Variants in TTC28 observed in about 807,000 individuals in gnomAD.
The protein encoded by TTC28 is tetratricopeptide repeat domain 28.
In TTC28, 61 loss-of-function variants were observed where a neutral mutation model predicts 198.0. The ratio of observed to expected loss-of-function variants is 0.31; its 90% CI spans 0.25 to 0.38. The LOEUF (loss-of-function observed/expected upper bound fraction) is 0.38, where lower values mean the gene tolerates loss of function less well. Among genes scored for constraint, TTC28 ranks in the 10% least tolerant of loss-of-function variants. The probability of loss-of-function intolerance (pLI) is 1.00; values close to 1 mark genes in which losing one functional copy is unlikely to be tolerated. For missense variants in TTC28, 2,678 were observed against 3,164.0 expected, an observed-to-expected ratio of 0.85 and a Z score of 3.69; for synonymous variants, 1,171 against 1,297.8, an observed-to-expected ratio of 0.90 and a Z score of 2.10.
At chr22:28,025,752 C>T (rs1938805992) in intron 13 of TTC28, among the ~76,000 whole-genome samples, 1 of 152,150 alleles carries the variant, frequency 6.6e-6, no homozygotes, top group Non-Finnish European at 1.5e-5. Context: ...CACCTGTGGT[C>T]CCTGTTACTC....
intron 2 of TTC28, among the ~76,000 whole-genome samples, chr22:28,394,610 C>A (rs535312868): frequency 7.2e-5 from 11 of 152,120 alleles, no homozygotes; most frequent in Non-Finnish European, 1.6e-4. Context: ...CTGTCAAACC[C>A]CAATAAGCAA....
chr22:28,620,349 CAA>C (rs34680067), intron 2 of TTC28, among the ~76,000 whole-genome samples: 3 of 142,546 alleles, frequency 2.1e-5, no homozygotes, highest in African/African-American at 2.6e-5. Context: ...ATCTCTGTCT[CAA>C]AAAAAAAAAA....
At position 27,982,955 on chromosome 22, in the gene TTC28, T is replaced by G; in HGVS notation, c.6712A>C (p.Arg2238=). 1 of 1,551,700 alleles carries G rather than the reference T, an allele frequency of 6.4e-7. No individual in the cohort carries two copies. Among genetic ancestry groups the G allele is most frequent in the Non-Finnish European group, 8.7e-7 (1 of 1,146,990 alleles). Residue 2238 remains arginine (R), a synonymous_variant, in exon 23 of 23, where the codon AGG becomes CGG. Coordinates refer to ENST00000397906, the MANE Select transcript of TTC28 (RefSeq NM_001145418.2). This position sits in a 1 kb window ranked among gnomAD's most constrained non-coding sequence, Gnocchi z 5.2. ...PVTVKPKPPA[R]SSSLPKVSSG... ...CTCACCTTGGGCAGGGAGGAGCTCC[T>G]GGCTGGGGGCTTTGGTTTAACAGTG...
chr22:28,632,542 T>G (rs2051195244), intron 1 of TTC28, among the ~76,000 whole-genome samples: 1 of 152,054 alleles, frequency 6.6e-6, no homozygotes, highest in African/African-American at 2.4e-5. Flanking sequence ...ATGTAACATT[T>G]ACCAAACAAC....
At chr22:28,468,350 T>C (rs1437900523) in intron 2 of TTC28, among the ~76,000 whole-genome samples, 1 of 152,152 alleles carries the variant, frequency 6.6e-6, no homozygotes, top group African/African-American at 2.4e-5. Context: ...AATCTATTTA[T>C]TTCAGTGACG....
At chr22:28,392,637 A>T (rs1359668372) in intron 2 of TTC28, among the ~76,000 whole-genome samples, 1 of 152,162 alleles carries the variant, frequency 6.6e-6, no homozygotes, top group Non-Finnish European at 1.5e-5. Context: ...TTCTTTGACT[A>T]GGAAAGGGAA....
At position 27,998,925 on chromosome 22, in the gene TTC28, C is replaced by T. The variant is rs548250476; in HGVS notation, c.4734G>A (p.Thr1578=). 2.8e-5 allele frequency: 43 copies of T among 1,550,788 alleles called. No individual in the cohort carries two copies. In the Admixed American group the frequency reaches 6.9e-4, roughly 25 times the overall value. The change falls in exon 16 of 23, where the codon ACG becomes ACA. Residue 1578 remains threonine (T), a synonymous_variant. Coordinates refer to ENST00000397906, the MANE Select transcript of TTC28 (RefSeq NM_001145418.2). ...SSKSSFGHPY[T]IPESLRVQDD... is the part of the protein sequence containing the mutation. The stretch of plus-strand genomic sequence containing the variant: ...CCTGCACCCGCAAGGACTCAGGGAT[C>T]GTGTAGGGGTGGCCGAAGGAGCTCT...
chr22:28,391,340 G>A (rs1331033999), intron 2 of TTC28, among the ~76,000 whole-genome samples: 1 of 152,058 alleles, frequency 6.6e-6, no homozygotes, highest in African/African-American at 2.4e-5. Flanking sequence ...TCTTCTCGAG[G>A]AGTATCTTTG....
At chr22:28,032,235 A>AATATATATATATAAAAT (rs1401856678) in intron 12 of TTC28, among the ~76,000 whole-genome samples, 2 of 120,106 alleles carry the variant, frequency 1.7e-5, no homozygotes, top group Non-Finnish European at 3.2e-5. Flanking sequence ...ATATATATAA[A>AATATATATATATAAAAT]ATATATATAT....
At chr22:28,291,252 T>C (rs568878740) in intron 5 of TTC28, among the ~76,000 whole-genome samples, 12 of 152,090 alleles carry the variant, frequency 7.9e-5, no homozygotes, top group Non-Finnish European at 1.5e-4. Flanking sequence ...GCAAATATAA[T>C]GTATTATAGG....
At chr22:28,584,856 C>A (rs1451285777) in intron 2 of TTC28, among the ~76,000 whole-genome samples, 2 of 152,132 alleles carry the variant, frequency 1.3e-5, no homozygotes, top group East Asian at 1.9e-4. Flanking sequence ...GAAAAATAAA[C>A]GATGAAGTTC....
At position 28,108,026 on chromosome 22, in the gene TTC28, G is replaced by A. The variant is rs1254650178; in HGVS notation, c.1819C>T (p.Arg607Trp). 2.6e-6 allele frequency: 4 copies of A among 1,551,592 alleles called. No homozygotes were observed. Among genetic ancestry groups the A allele is most frequent in the East Asian group, 2.4e-5 (1 of 40,908 alleles). Reference protein sequence around the residue: ...LSNLGNFHCSRGEYVQAAPYY... With the variant: ...LSNLGNFHCSWGEYVQAAPYY... ...GGGGCAGCCTGGACATACTCTCCCCGAGAGCAGTGGAAATTGCCCAGGTTG... is the reference window on the plus strand; with the variant it reads ...GGGGCAGCCTGGACATACTCTCCCCAAGAGCAGTGGAAATTGCCCAGGTTG... The change falls in exon 7 of 23, where the codon CGG becomes TGG. Residue 607 changes from arginine (R) to tryptophan (W), a missense_variant. By Grantham distance (101) the Arg-to-Trp change is moderately radical. Coordinates refer to ENST00000397906, the MANE Select transcript of TTC28 (RefSeq NM_001145418.2).
intron 2 of TTC28, among the ~76,000 whole-genome samples, chr22:28,601,809 C>CACACAT (rs1555900068): frequency 6.6e-6 from 1 of 151,070 alleles, no homozygotes; most frequent in Non-Finnish European, 1.5e-5. Flanking sequence ...CACACACACA[C>CACACAT]ACACACAGTT....
chr22:28,266,803 T>C (rs1490091996), intron 5 of TTC28, among the ~76,000 whole-genome samples: 1 of 152,206 alleles, frequency 6.6e-6, no homozygotes, highest in Non-Finnish European at 1.5e-5. Flanking sequence ...TGTGGTTATT[T>C]TGTCACAGAG....
At chr22:28,477,652 A>G (rs866149548) in intron 2 of TTC28, among the ~76,000 whole-genome samples, 4 of 152,210 alleles carry the variant, frequency 2.6e-5, no homozygotes, top group East Asian at 1.9e-4. Flanking sequence ...AACAGATCCA[A>G]TGAGTGGCCT....
chr22:27,992,592 T>G lies in TTC28; in HGVS notation c.5548A>C (p.Ser1850Arg). 6.4e-7 allele frequency: 1 copy of G among 1,551,332 alleles called. No individual in the cohort carries two copies. The highest frequency in any genetic ancestry group is 8.7e-7 in the Non-Finnish European group (1 of 1,146,948). ...TASETGEQLI[S>R]RAVKNMVGML... ...GCCCTCCAGGCTCGACTTACCCGGC[T>G]GATGAGCTGCTCGCCCGTCTCGGAG... The change falls in exon 19 of 23, where the codon AGC (serine) becomes CGC (arginine). Residue 1850 changes from serine (S) to arginine (R), a missense_variant. Coordinates refer to ENST00000397906, the MANE Select transcript of TTC28 (RefSeq NM_001145418.2).
At position 27,993,275 on chromosome 22, in the gene TTC28, C is replaced by T; in HGVS notation, c.5476+12G>A. 1 of 1,515,388 alleles carries T rather than the reference C, an allele frequency of 6.6e-7. No homozygotes were observed. Among genetic ancestry groups the T allele is most frequent in the Non-Finnish European group, 8.8e-7 (1 of 1,130,954 alleles). The allele number at this position is 1,515,388 out of a possible 1,614,324, so 93.9% of individuals were successfully genotyped here. A position where few individuals can be genotyped will look rare whatever the true frequency, so the allele number is the denominator to read the frequency against. On this transcript the variant is annotated intron_variant, in intron 18 of 22. Transcript: ENST00000397906. The stretch of plus-strand genomic sequence containing the variant: ...CCAGGCCTGTTGCCCCAGCCCTACA[C>T]CCACAGCTCACCCAGCAGGGACTGG...
At position 27,979,139 on chromosome 22, in the gene TTC28, G is replaced by A. The variant is rs996077941; in HGVS notation, c.*3082C>T. The stretch of plus-strand genomic sequence containing the variant: ...TTTTCCTAGACTGGAGAAACAAAAC[G>A]TTATTCCATTTTCTGTCATCCATAC... On this transcript the variant is annotated 3_prime_UTR_variant, in exon 23 of 23. Transcript: ENST00000397906. The A allele has an allele frequency of 6.6e-6, 1 of 152,174 alleles. No homozygotes were observed. Among genetic ancestry groups the A allele is most frequent in the African/African-American group, 2.4e-5 (1 of 41,440 alleles). 9.4% of individuals were successfully genotyped at this position (152,174 alleles called of 1,614,324 possible).
Position 28,009,774 on chromosome 22 carries a change from G to C in TTC28, c.4218+4474C>G, listed in dbSNP as rs1305487203. ...TTTTCACCTGTCTTCCCCAGGTTTAGGACAGTGTGTGCCTGGCACAAGTCA... is the reference window on the plus strand; with the variant it reads ...TTTTCACCTGTCTTCCCCAGGTTTACGACAGTGTGTGCCTGGCACAAGTCA... On this transcript the variant is annotated intron_variant, in intron 14 of 22. Coordinates refer to ENST00000397906, the MANE Select transcript of TTC28 (RefSeq NM_001145418.2). Among the ~76,000 whole-genome samples the C allele has an allele frequency of 3.9e-5, 6 of 152,214 alleles. No individual in the cohort carries two copies. The East Asian group carries it at 1.2e-3, about 29-fold the overall frequency.
Sources: gnomAD v4.1 joint callset for allele counts (sites outside exome capture counted in the v4.1 genomes callset) on GRCh38, gnomAD v4.1.1 for gene constraint, Gnocchi (gnomAD v3.1) non-coding constraint, MANE v1.5 for transcripts, NCBI Gene and HGNC (gene_info 2026-07-23, HGNC 2026-07-21) for gene names.